Variants in AGTPBP1 observed in about 807,000 individuals in gnomAD.
The protein encoded by AGTPBP1 is cytosolic carboxypeptidase 1.
In AGTPBP1, 70 loss-of-function variants were observed where a neutral mutation model predicts 143.9. That is an observed-to-expected ratio of 0.49 (90% CI 0.40 to 0.59). The LOEUF (loss-of-function observed/expected upper bound fraction) is 0.59, where lower values mean the gene tolerates loss of function less well. Ranked by LOEUF, AGTPBP1 falls within the 20% of genes least tolerant of loss-of-function variation. AGTPBP1 has a pLI of 0.00. For synonymous variants in AGTPBP1, 463 were observed against 500.2 expected (o/e 0.93, Z 0.99); for missense variants, 1,229 against 1,464.5 (o/e 0.84, Z 2.62).
chr9:85,657,695 T>A (rs770832507), intron 9 of AGTPBP1, 52 bp from the exon 10 acceptor site: 24 of 1,358,604 alleles, frequency 1.8e-5, no homozygotes, highest in Non-Finnish European at 2.4e-5. Context: ...CGAGAGTGAG[T>A]GGTAGAATAA....
chr9:85,706,107 A>G (rs555156678), intron 2 of AGTPBP1, among the ~76,000 whole-genome samples: 40 of 152,188 alleles, frequency 2.6e-4, no homozygotes, highest in Non-Finnish European at 4.3e-4. Context: ...ATGGAGTTCT[A>G]GCTAATAAGG....
chr9:85,804,483 G>T, the AGTPBP1 span, among the ~76,000 whole-genome samples: 1 of 152,164 alleles, frequency 6.6e-6, no homozygotes, highest in Non-Finnish European at 1.5e-5. Context: ...ATCATGGTTT[G>T]TCTTTTATTG....
At chr9:85,796,096 C>G in the AGTPBP1 span, among the ~76,000 whole-genome samples, 1 of 151,732 alleles carries the variant, frequency 6.6e-6, no homozygotes, top group Non-Finnish European at 1.5e-5. Flanking sequence ...CAAGGGAGGT[C>G]AAGGAATTGA....
In AGTPBP1 at chr9:85,723,790, G is replaced by A. The variant is rs549192719; in HGVS notation, c.-33-11224C>T. 5.9e-5 allele frequency among the ~76,000 whole-genome samples: 9 copies of A among 152,170 alleles called. No individual in the cohort carries two copies. In the South Asian group the frequency reaches 8.3e-4, roughly 14 times the overall value. On this transcript the variant is annotated intron_variant, in intron 1 of 25. Coordinates refer to ENST00000357081, the MANE Select transcript of AGTPBP1 (RefSeq NM_001330701.2). Reference sequence around the variant, plus strand: ...TCAATCTCGCTGGGAGCTGCAGACCGGAGCTGTTCCTATTTGGTCATCTTG... The same window carrying A: ...TCAATCTCGCTGGGAGCTGCAGACCAGAGCTGTTCCTATTTGGTCATCTTG...
intron 14 of AGTPBP1, among the ~76,000 whole-genome samples, chr9:85,625,626 C>T (rs1038129212): frequency 2.6e-5 from 4 of 151,706 alleles, no homozygotes; most frequent in South Asian, 4.2e-4. Flanking sequence ...TGGCTCACAC[C>T]GGTAATTCCA....
chr9:85,731,064 G>A (rs949716558), intron 1 of AGTPBP1, among the ~76,000 whole-genome samples: 3 of 152,156 alleles, frequency 2.0e-5, no homozygotes, highest in Non-Finnish European at 2.9e-5. Context: ...GAGTAGGAGA[G>A]GAATCGTACA....
rs1309088095 is a variant in AGTPBP1 at position 85,596,411 on chromosome 9, T to C, written c.2374A>G (p.Asn792Asp). ...PLMYSVQEAL[N>D]ARPWWIRMGT... ...ATACGAATCCACCATGGTCTGGCATTTAATGCTTCCTGAACCGAATACATG... is the reference window on the plus strand; with the variant it reads ...ATACGAATCCACCATGGTCTGGCATCTAATGCTTCCTGAACCGAATACATG... Residue 792 changes from asparagine (N) to aspartate (D), a missense_variant, in exon 18 of 26, where the codon AAT becomes GAT. Coordinates refer to ENST00000357081, the MANE Select transcript of AGTPBP1 (RefSeq NM_001330701.2). 6.2e-7 allele frequency: 1 copy of C among 1,611,502 alleles called. No individual in the cohort carries two copies. Among genetic ancestry groups the C allele is most frequent in the Admixed American group, 1.7e-5 (1 of 59,820 alleles).
At chr9:85,702,823 G>A (rs1231434790) in intron 2 of AGTPBP1, among the ~76,000 whole-genome samples, 2 of 151,984 alleles carry the variant, frequency 1.3e-5, no homozygotes, top group African/African-American at 4.8e-5. Flanking sequence ...CTCCTTTGCT[G>A]CCACAGAGAC....
At chr9:85,633,720 T>C (rs1234285847) in intron 13 of AGTPBP1, among the ~76,000 whole-genome samples, 3 of 152,200 alleles carry the variant, frequency 2.0e-5, no homozygotes, top group African/African-American at 7.2e-5. Flanking sequence ...ATGAAGTGTC[T>C]ATTTTGTGCC....
Position 85,632,934 on chromosome 9 carries a change from C to G in AGTPBP1, c.1743G>C (p.Leu581=), listed in dbSNP as rs1439054945. 6.2e-7 allele frequency: 1 copy of G among 1,614,132 alleles called. No individual in the cohort carries two copies. Among genetic ancestry groups the G allele is most frequent in the South Asian group, 1.1e-5 (1 of 91,084 alleles). ...CPHMATCGNV[L]FEGRTVQLGK... ...CTAGCTGAACTGTTCTTCCCTCAAA[C>G]AGAACATTTCCACAAGTAGCCATGT... is the stretch of plus-strand genomic sequence containing the variant. Residue 581 remains leucine (L), a synonymous_variant, in exon 14 of 26, where the codon CTG becomes CTC. Transcript: ENST00000357081.
intron 13 of AGTPBP1, among the ~76,000 whole-genome samples, chr9:85,642,317 T>G (rs540276744): frequency 6.6e-6 from 1 of 151,868 alleles, no homozygotes; most frequent in Non-Finnish European, 1.5e-5. Context: ...TGACAAAAAA[T>G]GTAATAGTCC....
At chr9:85,753,228 GA>G in the AGTPBP1 span, 555 of 1,462,894 alleles carry the variant, frequency 3.8e-4, 1 homozygote, top group Admixed American at 5.9e-4. Flanking sequence ...AAAAAAGAAA[GA>G]AAAAAAAAAT....
At chr9:85,618,961 T>C (rs372263461) in intron 17 of AGTPBP1, 22 bp downstream of exon 17, 7 of 1,591,792 alleles carry the variant, frequency 4.4e-6, no homozygotes, top group African/African-American at 4.1e-5. Context: ...GCCATTTCAA[T>C]TGGGAAAGAA....
At chr9:85,771,259 G>C in the AGTPBP1 span, among the ~76,000 whole-genome samples, 1 of 152,128 alleles carries the variant, frequency 6.6e-6, no homozygotes, top group African/African-American at 2.4e-5. Context: ...CAGCACTTTG[G>C]GAGGCTGAGT....
At chr9:85,672,401 TGG>T in intron 7 of AGTPBP1, 147 bp downstream of exon 7, 1 of 886,128 alleles carries the variant, frequency 1.1e-6, no homozygotes, top group Non-Finnish European at 1.7e-6. Context: ...ACTTTTGTTG[TGG>T]TTGGAGTCAA....
At chr9:85,689,506 T>C (rs1399705043) in intron 3 of AGTPBP1, among the ~76,000 whole-genome samples, 1 of 152,170 alleles carries the variant, frequency 6.6e-6, no homozygotes, top group Non-Finnish European at 1.5e-5. Context: ...CTCTCAGTGA[T>C]AGACATTTAG....
chr9:85,572,004 G>GTGTTTTTTTTT (rs1827509214), intron 25 of AGTPBP1, among the ~76,000 whole-genome samples: 2 of 43,496 alleles, frequency 4.6e-5, no homozygotes, highest in African/African-American at 1.3e-4. Flanking sequence ...GTTTGTGTGT[G>GTGTTTTTTTTT]TTTTTTTTTT....
chr9:85,677,322 C>T lies in AGTPBP1; in HGVS notation c.436+114G>A, dbSNP rs1834890778. ...ATAAACATGTACAATTATTGTGTAT[C>T]CATAGAAATTTAAAATAAATAACAT... On this transcript the variant is annotated intron_variant, in intron 6 of 25. Transcript: ENST00000357081. 3.3e-6 allele frequency: 3 copies of T among 903,756 alleles called. No individual in the cohort carries two copies. The Admixed American group carries it at 8.5e-5, about 26-fold the overall frequency. The allele number at this position is 903,756 out of a possible 1,614,324, so 56.0% of individuals were successfully genotyped here.
At chr9:85,639,053 A>G (rs886703302) in intron 13 of AGTPBP1, among the ~76,000 whole-genome samples, 29 of 152,266 alleles carry the variant, frequency 1.9e-4, no homozygotes, top group African/African-American at 6.5e-4. Flanking sequence ...GATCATATCC[A>G]AGGCCATAAA....
Sources: allele counts gnomAD v4.1 joint callset (sites outside exome capture counted in the v4.1 genomes callset), GRCh38; gene constraint gnomAD v4.1.1; transcripts MANE v1.5; gene names NCBI Gene and HGNC (gene_info 2026-07-23, HGNC 2026-07-21).